Variants in TBL1XR1 observed in about 807,000 individuals in gnomAD.
TBL1XR1 encodes the protein F-box-like/WD repeat-containing protein TBL1XR1.
Under a neutral mutation model 66.9 loss-of-function variants are expected in TBL1XR1, and 5 were observed. The ratio of observed to expected loss-of-function variants is 0.07; its 90% CI spans 0.04 to 0.16. TBL1XR1 has a LOEUF of 0.16. Ranked by LOEUF, TBL1XR1 falls within the 10% of genes least tolerant of loss-of-function variation. The pLI is 1.00. For missense variants in TBL1XR1, 238 were observed against 623.2 expected (o/e 0.38, Z 6.58); for synonymous variants, 210 against 206.0 (o/e 1.02, Z -0.17).
At chr3:177,069,793 A>AAAGGAAGGGAAGGAAGG (rs1693635433) in intron 2 of TBL1XR1, among the ~76,000 whole-genome samples, 31 of 92,418 alleles carry the variant, frequency 3.4e-4, no homozygotes, top group African/African-American at 9.6e-4. Context: ...AAAAGGAAGG[A>AAAGGAAGGGAAGGAAGG]AAGGAAGGAA....
Position 177,025,489 on chromosome 3 carries a change from C to T in TBL1XR1, c.*9G>A, listed in dbSNP as rs1161462045. On this transcript the variant is annotated 3_prime_UTR_variant, in exon 16 of 16. Transcript: ENST00000457928. ...TTCATAGTCGGTCCATGGCTTCCAA[C>T]TAGTAGCGCTATTTCCGAAGGTCTA... is the stretch of plus-strand genomic sequence containing the variant. 3 of 1,612,452 alleles carry T rather than the reference C, an allele frequency of 1.9e-6. No homozygotes were observed. Among genetic ancestry groups the T allele is most frequent in the South Asian group, 1.1e-5 (1 of 91,002 alleles).
intron 1 of TBL1XR1, among the ~76,000 whole-genome samples, chr3:177,125,363 T>C (rs1727484068): frequency 1.3e-5 from 2 of 152,194 alleles, no homozygotes; most frequent in South Asian, 4.2e-4. Context: ...GCCATTAGGA[T>C]GGCAATCAAC....
intron 7 of TBL1XR1, 115 bp downstream of exon 7, chr3:177,049,882 A>T (rs2862641): frequency 4.1e-6 from 3 of 729,012 alleles, no homozygotes; most frequent in Non-Finnish European, 3.8e-6. Flanking sequence ...GTTTGTTGTT[A>T]CTAGTTAATA....
At chr3:177,140,016 G>C (rs982844233) in intron 1 of TBL1XR1, among the ~76,000 whole-genome samples, 1 of 152,100 alleles carries the variant, frequency 6.6e-6, no homozygotes, top group Non-Finnish European at 1.5e-5. Context: ...AAAATACCTT[G>C]AAACAGCCAG....
chr3:177,069,263 T>TA (rs1325268800), intron 2 of TBL1XR1, among the ~76,000 whole-genome samples: 1 of 152,122 alleles, frequency 6.6e-6, no homozygotes, highest in Non-Finnish European at 1.5e-5. Context: ...TTTATAGGCC[T>TA]AAAAAATGTA....
At chr3:177,036,364 A>G (rs992750352) in intron 12 of TBL1XR1, among the ~76,000 whole-genome samples, 7 of 152,170 alleles carry the variant, frequency 4.6e-5, no homozygotes, top group Non-Finnish European at 1.0e-4. Flanking sequence ...TCACCTTCTC[A>G]TTCCATCTGG....
intron 1 of TBL1XR1, among the ~76,000 whole-genome samples, chr3:177,141,782 A>C (rs894599163): frequency 5.3e-5 from 8 of 152,236 alleles, no homozygotes; most frequent in African/African-American, 1.7e-4. Flanking sequence ...AGCACTATTC[A>C]CAATAGCCGA....
At chr3:177,090,085 A>C (rs949639478) in intron 2 of TBL1XR1, among the ~76,000 whole-genome samples, 1 of 152,176 alleles carries the variant, frequency 6.6e-6, no homozygotes, top group Non-Finnish European at 1.5e-5. Flanking sequence ...CTATCTAAAA[A>C]CTTCCACTCT....
At chr3:177,090,297 C>A (rs1722660546) in intron 2 of TBL1XR1, among the ~76,000 whole-genome samples, 1 of 152,024 alleles carries the variant, frequency 6.6e-6, no homozygotes, top group African/African-American at 2.4e-5. Context: ...ATGTATCTCA[C>A]TTTGAAGTGA....
intron 10 of TBL1XR1, chr3:177,040,956 CCTCA>C (rs1371033362): frequency 6.6e-6 from 1 of 151,994 alleles, no homozygotes; most frequent in Non-Finnish European, 1.5e-5. Context: ...TTTAATCCTC[CCTCA>C]ATCAACCTTT....
At chr3:177,090,902 T>A (rs1462092126) in intron 2 of TBL1XR1, among the ~76,000 whole-genome samples, 1 of 152,028 alleles carries the variant, frequency 6.6e-6, no homozygotes, top group Non-Finnish European at 1.5e-5. Context: ...GGTGGGAGAA[T>A]CGATTGAGCC....
chr3:177,065,729 A>T (rs1318983840), intron 2 of TBL1XR1, among the ~76,000 whole-genome samples: 1 of 152,236 alleles, frequency 6.6e-6, no homozygotes, highest in Non-Finnish European at 1.5e-5. Flanking sequence ...AGGTCAGGAA[A>T]CTTTTATATA....
At chr3:177,189,065 G>A (rs763238003) in intron 1 of TBL1XR1, among the ~76,000 whole-genome samples, 22 of 151,544 alleles carry the variant, frequency 1.5e-4, no homozygotes, top group Non-Finnish European at 1.6e-4. Flanking sequence ...AAAATTAGCC[G>A]GGCATGGTGG....
rs1241241297 is a variant in TBL1XR1 at position 177,019,885 on chromosome 3, GC to G, written c.*5612del. ...TGAAAGCATGTCAGTTCTAGCAACT[GC>G]AGTGGCTTATTTCTAATAAAACATA... On this transcript the variant is annotated 3_prime_UTR_variant, in exon 16 of 16. Coordinates refer to ENST00000457928, the MANE Select transcript of TBL1XR1 (RefSeq NM_024665.7). 1 of 151,578 alleles carries G rather than the reference GC, an allele frequency of 6.6e-6. No homozygotes were observed. Among genetic ancestry groups the G allele is most frequent in the African/African-American group, 2.4e-5 (1 of 41,206 alleles). The allele number at this position is 151,578 out of a possible 1,614,324, so 9.4% of individuals were successfully genotyped here.
chr3:177,116,386 C>T (rs1726313912), intron 1 of TBL1XR1, among the ~76,000 whole-genome samples: 1 of 152,134 alleles, frequency 6.6e-6, no homozygotes, highest in Non-Finnish European at 1.5e-5. Flanking sequence ...AAGCACTAAG[C>T]ACCATGACCT....
At chr3:177,131,103 G>A (rs1032609587) in intron 1 of TBL1XR1, among the ~76,000 whole-genome samples, 15 of 151,584 alleles carry the variant, frequency 9.9e-5, no homozygotes, top group South Asian at 2.1e-4. Context: ...TCAGCAAATC[G>A]GGAATCCATG....
Position 177,026,448 on chromosome 3 carries a change from C to T in TBL1XR1, c.1443G>A (p.Arg481=). The change falls in exon 15 of 16, where the codon AGG becomes AGA. Residue 481 remains arginine (R), a synonymous_variant. Transcript: ENST00000457928. ...TQTGALVHSY[R]GTGGIFEVCW... ...AAACTTCAAATATTCCACCTGTTCCCCTATAGCTGTGAACTAGAGCACCTG... is the reference window on the plus strand; with the variant it reads ...AAACTTCAAATATTCCACCTGTTCCTCTATAGCTGTGAACTAGAGCACCTG... The T allele has an allele frequency of 6.2e-7, 1 of 1,610,068 alleles. No homozygotes were observed. Among genetic ancestry groups the T allele is most frequent in the Non-Finnish European group, 8.5e-7 (1 of 1,178,812 alleles).
At chr3:177,139,540 G>GA (rs796546289) in intron 1 of TBL1XR1, among the ~76,000 whole-genome samples, 7 of 78,808 alleles carry the variant, frequency 8.9e-5, no homozygotes, top group East Asian at 3.1e-4. Flanking sequence ...ATCTCGGGGG[G>GA]AAAAAAAAAA....
At chr3:177,125,777 A>G (rs1446273505) in intron 1 of TBL1XR1, among the ~76,000 whole-genome samples, 2 of 152,168 alleles carry the variant, frequency 1.3e-5, no homozygotes, top group South Asian at 2.1e-4. Flanking sequence ...TCAATTTCCA[A>G]GTTTTCAAAT....
Sources: gnomAD v4.1 joint callset for allele counts (sites outside exome capture counted in the v4.1 genomes callset) on GRCh38, gnomAD v4.1.1 for gene constraint, MANE v1.5 for transcripts, NCBI Gene and HGNC (gene_info 2026-07-23, HGNC 2026-07-21) for gene names.